The following KAT6B variants were observed in gnomAD, a reference collection of about 807,000 sequenced individuals.
KAT6B encodes the protein lysine acetyltransferase 6B.
A neutral mutation model predicts 187.5 loss-of-function variants in KAT6B; 10 were observed. The observed-to-expected ratio is 0.05, with a 90% CI of 0.03 to 0.09. The LOEUF (loss-of-function observed/expected upper bound fraction) is 0.09. KAT6B is among the 10% of genes least tolerant of loss of function. The pLI, the probability that KAT6B is intolerant of heterozygous loss-of-function variation, is 1.00. For synonymous variants in KAT6B, 861 were observed against 926.8 expected (o/e 0.93, Z 1.29); for missense variants, 1,952 against 2,558.9 (o/e 0.76, Z 5.12).
At chr10:74,845,695 G>T (rs886658942) in intron 3 of KAT6B, among the ~76,000 whole-genome samples, 2 of 151,200 alleles carry the variant, frequency 1.3e-5, no homozygotes, top group African/African-American at 4.8e-5. Context: ...ATGGGGTTTT[G>T]CCATGTTGCC....
chr10:74,847,624 A>G (rs1346501048), intron 3 of KAT6B, among the ~76,000 whole-genome samples: 1 of 152,088 alleles, frequency 6.6e-6, no homozygotes, highest in African/African-American at 2.4e-5. Flanking sequence ...AGATTGCGCC[A>G]TTGCATTCCA....
At chr10:74,962,353 A>G (rs915613465) in intron 4 of KAT6B, among the ~76,000 whole-genome samples, 3 of 152,346 alleles carry the variant, frequency 2.0e-5, no homozygotes, top group Middle Eastern at 3.4e-3. Flanking sequence ...ATAGGCCAGC[A>G]TACCTCAACA....
chr10:74,949,550 T>C (rs1417733924), intron 3 of KAT6B, among the ~76,000 whole-genome samples: 1 of 152,254 alleles, frequency 6.6e-6, no homozygotes, highest in Admixed American at 6.5e-5. Flanking sequence ...ATCAGCACTT[T>C]TATAAATGGC....
At chr10:74,868,649 CT>C (rs1843708185) in intron 3 of KAT6B, among the ~76,000 whole-genome samples, 1 of 152,132 alleles carries the variant, frequency 6.6e-6, no homozygotes, top group African/African-American at 2.4e-5. Flanking sequence ...CTGTTGGGCC[CT>C]AGAGCCTTTC....
chr10:74,870,805 C>T (rs948326211), intron 3 of KAT6B, among the ~76,000 whole-genome samples: 2 of 151,652 alleles, frequency 1.3e-5, no homozygotes, highest in African/African-American at 4.8e-5. Context: ...TCAAACTCCT[C>T]ACCTCAGGTG....
chr10:74,828,519 A>C, intron 1 of KAT6B, among the ~76,000 whole-genome samples: 1 of 147,066 alleles, frequency 6.8e-6, no homozygotes, highest in Middle Eastern at 3.5e-3. Flanking sequence ...TTTTTGGCAT[A>C]GCCTTGAAAT....
In KAT6B at chr10:74,959,307, A is replaced by G. The variant is rs117192189; in HGVS notation, c.622-663A>G. ...ATATTTAATAAAGTCTTAACAGTCTATACATGATATTCATAGACTATAATG... is the reference window on the plus strand; with the variant it reads ...ATATTTAATAAAGTCTTAACAGTCTGTACATGATATTCATAGACTATAATG... On this transcript the variant is annotated intron_variant, in intron 3 of 17. Transcript: ENST00000287239. Among the ~76,000 whole-genome samples the G allele has an allele frequency of 3.3e-3, 497 of 152,336 alleles. 1 individual carries two copies. The highest frequency in any genetic ancestry group is 6.1e-3 in the Non-Finnish European group (417 of 68,026).
chr10:74,852,608 G>A (rs1226383604), intron 3 of KAT6B, among the ~76,000 whole-genome samples: 1 of 152,150 alleles, frequency 6.6e-6, no homozygotes, highest in African/African-American at 2.4e-5. Context: ...GGGTGAATGA[G>A]TCTTTCTATT....
At chr10:75,023,177 T>G (rs1305646289) in intron 16 of KAT6B, among the ~76,000 whole-genome samples, 1 of 152,236 alleles carries the variant, frequency 6.6e-6, no homozygotes, top group Non-Finnish European at 1.5e-5. Context: ...CTCACCCAGA[T>G]CTGATATCTT....
Position 74,843,428 on chromosome 10 carries a change from T to C in KAT6B, c.571T>C (p.Phe191Leu). 1.2e-6 allele frequency: 2 copies of C among 1,614,050 alleles called. No homozygotes were observed. Among genetic ancestry groups the C allele is most frequent in the Non-Finnish European group, 1.7e-6 (2 of 1,180,014 alleles). Residue 191 changes from phenylalanine to leucine, a missense_variant, in exon 3 of 18, where the codon TTC (phenylalanine) becomes CTC (leucine). This residue lies in a region of KAT6B where 218 missense variants were observed against 282.6 expected (regional missense o/e 0.77). Transcript: ENST00000287239. Reference sequence around the variant, plus strand: ...AGGGGCACCTCAGTATCCCAGTGCATTCCCATCCTCGCTCCCACCTGTCAG... The same window carrying C: ...AGGGGCACCTCAGTATCCCAGTGCACTCCCATCCTCGCTCCCACCTGTCAG... The part of the protein sequence containing the change: ...GKGAPQYPSA[F>L]PSSLPPVSLL...
intron 3 of KAT6B, among the ~76,000 whole-genome samples, chr10:74,895,062 G>T (rs927017874): frequency 7.1e-5 from 10 of 141,160 alleles, no homozygotes; most frequent in Non-Finnish European, 1.4e-4. Flanking sequence ...TCAACACTTG[G>T]TTTTTTTTTT....
In KAT6B at chr10:74,837,847, ATTT is replaced by A. The variant is rs10605934; in HGVS notation, c.-328-822_-328-820del. 2.7e-3 allele frequency among the ~76,000 whole-genome samples: 380 copies of A among 142,206 alleles called. 2 individuals carry two copies. The highest frequency in any genetic ancestry group is 9.0e-3 in the African/African-American group (350 of 38,966). 93.3% of individuals were successfully genotyped at this position (142,206 alleles called of 152,430 possible). On this transcript the variant is annotated intron_variant, in intron 1 of 17. Transcript: ENST00000287239. ...GATTTTGTTCCTCTCCTAGCTGTGT[ATTT>A]TTTTTTTTTTTTTGAACACTGTGAT...
intron 3 of KAT6B, among the ~76,000 whole-genome samples, chr10:74,908,549 C>CAAAAAAAA (rs10715826): frequency 9.1e-6 from 1 of 109,452 alleles, no homozygotes; most frequent in Non-Finnish European, 1.9e-5. Flanking sequence ...GACCCCGTCT[C>CAAAAAAAA]AAAAAAAAAA....
chr10:74,848,549 G>A (rs1174880314), intron 3 of KAT6B, among the ~76,000 whole-genome samples: 1 of 135,504 alleles, frequency 7.4e-6, no homozygotes, highest in Non-Finnish European at 1.5e-5. Flanking sequence ...ACATTTTTTT[G>A]TGGTTTTTAA....
chr10:75,028,782 C>T lies in KAT6B; in HGVS notation c.3958C>T (p.Pro1320Ser). ...CAAGGAAACTGGGGAAGCCCTGTTG[C>T]CTCAAGAGGAAAACAGAAGGGAAGA... ...EVKETGEALL[P>S]QEENRREETC... The change falls in exon 18 of 18, where the codon CCT (proline) becomes TCT (serine). Residue 1320 changes from proline to serine, a missense_variant. Transcript: ENST00000287239. 1 of 1,614,022 alleles carries T rather than the reference C, an allele frequency of 6.2e-7. No individual in the cohort carries two copies. Among genetic ancestry groups the T allele is most frequent in the Non-Finnish European group, 8.5e-7 (1 of 1,180,016 alleles).
intron 3 of KAT6B, among the ~76,000 whole-genome samples, chr10:74,849,450 G>C (rs1842327795): frequency 6.6e-6 from 1 of 151,568 alleles, no homozygotes; most frequent in Non-Finnish European, 1.5e-5. Context: ...GCACCACCAA[G>C]CCCGGCTAAT....
intron 3 of KAT6B, among the ~76,000 whole-genome samples, chr10:74,911,043 A>G (rs535995798): frequency 2.0e-5 from 3 of 152,306 alleles, no homozygotes; most frequent in Admixed American, 6.5e-5. Context: ...TTCCTCTAAA[A>G]TCCTCAAAGT....
At chr10:75,024,858 A>AAGATTCTC (rs1660753315) in intron 16 of KAT6B, 100 bp from the exon 17 acceptor site, 5 of 1,106,128 alleles carry the variant, frequency 4.5e-6, no homozygotes, top group Non-Finnish European at 6.8e-6. Context: ...CACCACGTGT[A>AAGATTCTC]AGATTCTCAG....
chr10:74,876,352 T>A (rs1844417298), intron 3 of KAT6B, among the ~76,000 whole-genome samples: 1 of 152,162 alleles, frequency 6.6e-6, no homozygotes, highest in Admixed American at 6.6e-5. Context: ...TGGCATTACT[T>A]TTTTTTCTCA....
Sources: gnomAD v4.1 joint callset for allele counts (sites outside exome capture counted in the v4.1 genomes callset) on GRCh38, gnomAD v4.1.1 for gene constraint, gnomAD v4.1.1 regional missense constraint, MANE v1.5 for transcripts, NCBI Gene and HGNC (gene_info 2026-07-23, HGNC 2026-07-21) for gene names.